OSCP1: variants seen among roughly 807,000 people sequenced by gnomAD.
OSCP1 encodes the protein protein OSCP1.
Under a neutral mutation model 45.1 loss-of-function variants are expected in OSCP1, and 35 were observed. The ratio of observed to expected loss-of-function variants is 0.78; its 90% CI spans 0.59 to 1.03. OSCP1 has a LOEUF of 1.03. OSCP1 is among the 50% of genes least tolerant of loss of function. OSCP1 has a pLI of 0.00. For synonymous variants in OSCP1, 179 were observed against 180.1 expected, an observed-to-expected ratio of 0.99 and a Z score of 0.05; for missense variants, 400 against 470.7, an observed-to-expected ratio of 0.85 and a Z score of 1.39.
At chr1:36,431,584 C>T (rs894072264) in intron 4 of OSCP1, among the ~76,000 whole-genome samples, 2 of 151,184 alleles carry the variant, frequency 1.3e-5, no homozygotes, top group African/African-American at 4.9e-5. Context: ...CCAAGAAACT[C>T]ACAAGGTAAT....
chr1:36,429,535 ATTTT>A (rs200043573), intron 4 of OSCP1, among the ~76,000 whole-genome samples: 34 of 100,316 alleles, frequency 3.4e-4, no homozygotes, highest in South Asian at 2.3e-3. Context: ...GAAGCTTAGA[ATTTT>A]TTTTTTTTTT....
At position 36,418,451 on chromosome 1, in the gene OSCP1, T is replaced by C. The variant is rs1170336688; in HGVS notation, c.1024-196A>G. The C allele has an allele frequency of 9.9e-6, 6 of 605,726 alleles. No homozygotes were observed. In the Admixed American group the frequency reaches 1.4e-4, roughly 14 times the overall value. The allele number at this position is 605,726 out of a possible 1,614,324, so 37.5% of individuals were successfully genotyped here. A position where few individuals can be genotyped will look rare whatever the true frequency, so the allele number is the denominator to read the frequency against. ...TATATATTTTTTTTCTTAATCAACATGTATGTGACCAAGCATCCCTGGCTG... is the reference window on the plus strand; with the variant it reads ...TATATATTTTTTTTCTTAATCAACACGTATGTGACCAAGCATCCCTGGCTG... On this transcript the variant is annotated intron_variant, in intron 9 of 9. Coordinates refer to ENST00000235532, the MANE Select transcript of OSCP1 (RefSeq NM_145047.5).
rs560282513 is a variant in OSCP1 at position 36,427,379 on chromosome 1, C to G, written c.517-3913G>C. 1.3e-3 allele frequency among the ~76,000 whole-genome samples: 189 copies of G among 145,998 alleles called. 1 individual carries two copies. The highest frequency in any genetic ancestry group is 4.6e-3 in the African/African-American group (182 of 39,406). ...TGAACATGATCATAGCTTACTGCAG[C>G]CTTGAAATCCTAGGCTCAAGGAATC... On this transcript the variant is annotated intron_variant, in intron 4 of 9. Transcript: ENST00000235532.
At chr1:36,437,503 A>G (rs1390432885) in intron 2 of OSCP1, among the ~76,000 whole-genome samples, 2 of 151,976 alleles carry the variant, frequency 1.3e-5, no homozygotes, top group African/African-American at 4.8e-5. Flanking sequence ...AGTGCTTTTT[A>G]AAAATTGTTT....
At chr1:36,424,927 C>A (rs1647872214) in intron 4 of OSCP1, among the ~76,000 whole-genome samples, 1 of 152,032 alleles carries the variant, frequency 6.6e-6, no homozygotes, top group Admixed American at 6.6e-5. Flanking sequence ...AATCCTAGCA[C>A]TTTAGGAGGC....
intron 1 of OSCP1, among the ~76,000 whole-genome samples, chr1:36,440,197 A>C (rs1649036699): frequency 6.6e-6 from 1 of 152,260 alleles, no homozygotes; most frequent in South Asian, 2.1e-4. Flanking sequence ...AGCAGAGGCA[A>C]GGTAGAGCAG....
chr1:36,426,289 C>T (rs1004739556), intron 4 of OSCP1, among the ~76,000 whole-genome samples: 1 of 152,152 alleles, frequency 6.6e-6, no homozygotes, highest in African/African-American at 2.4e-5. Context: ...TGAGACTCTG[C>T]CAGTGGCTGG....
In OSCP1 at chr1:36,422,199, A is replaced by C; in HGVS notation, c.770T>G (p.Val257Gly). The C allele has an allele frequency of 6.2e-7, 1 of 1,614,216 alleles. No individual in the cohort carries two copies. The highest frequency in any genetic ancestry group is 8.5e-7 in the Non-Finnish European group (1 of 1,180,032). Residue 257 changes from valine (V) to glycine (G), a missense_variant, in exon 7 of 10, where the codon GTG (valine) becomes GGG (glycine). Transcript: ENST00000235532. ...GTNMYSVNQP[V>G]ETHVSGSSKN... ...TGATGATCCAGACACATGAGTTTCC[A>C]CAGGCTGATTCACGCTGTACCTGGT...
At chr1:36,428,024 C>G (rs1337537647) in intron 4 of OSCP1, among the ~76,000 whole-genome samples, 1 of 151,714 alleles carries the variant, frequency 6.6e-6, no homozygotes, top group Non-Finnish European at 1.5e-5. Flanking sequence ...CCCGTCTCTA[C>G]TAAAAATACA....
intron 2 of OSCP1, among the ~76,000 whole-genome samples, chr1:36,435,079 T>A (rs1288575218): frequency 6.7e-6 from 1 of 150,054 alleles, no homozygotes; most frequent in Admixed American, 6.7e-5. Flanking sequence ...CCTTTTCTTT[T>A]CTTTTCTTTT....
At chr1:36,419,138 A>C (rs948961258) in intron 8 of OSCP1, 84 bp from the exon 9 acceptor site, 3 of 1,270,454 alleles carry the variant, frequency 2.4e-6, no homozygotes, top group Middle Eastern at 3.7e-4. Flanking sequence ...ATCAGTTGGC[A>C]ACCTATTTTT....
In OSCP1 at chr1:36,438,913, GC is replaced by G; in HGVS notation, c.113-4del. 1 of 1,613,360 alleles carries G rather than the reference GC, an allele frequency of 6.2e-7. No homozygotes were observed. Among genetic ancestry groups the G allele is most frequent in the Non-Finnish European group, 8.5e-7 (1 of 1,179,664 alleles). ...GGTGGAGATGATGTCATTCAGAACTGCAGAGACAAGAGAGAACACAGCTGAG... is the reference window on the plus strand; with the variant it reads ...GGTGGAGATGATGTCATTCAGAACTGAGAGACAAGAGAGAACACAGCTGAG... On this transcript the variant is annotated splice_region_variant and splice_polypyrimidine_tract_variant and intron_variant, in intron 1 of 9. Coordinates refer to ENST00000235532, the MANE Select transcript of OSCP1 (RefSeq NM_145047.5).
intron 2 of OSCP1, among the ~76,000 whole-genome samples, chr1:36,433,595 T>A (rs1253741988): frequency 6.6e-6 from 1 of 152,108 alleles, no homozygotes; most frequent in Non-Finnish European, 1.5e-5. Context: ...GACCTCAGGA[T>A]CACGCAATAT....
chr1:36,445,781 C>G (rs1570552393), intron 1 of OSCP1, among the ~76,000 whole-genome samples: 1 of 152,164 alleles, frequency 6.6e-6, no homozygotes, highest in Non-Finnish European at 1.5e-5. Context: ...ATGGTGCGAT[C>G]TCGGCTCACT....
At position 36,420,676 on chromosome 1, in the gene OSCP1, C is replaced by G. The variant is rs1397963534; in HGVS notation, c.820-61G>C. 4.4e-6 allele frequency: 7 copies of G among 1,587,396 alleles called. No homozygotes were observed. The Admixed American group carries it at 7.0e-5, about 16-fold the overall frequency. ...AGGCAATCACATTTCCTGCTAAAACCTCAGAGACACAGGTAGGTATTATAA... is the reference window on the plus strand; with the variant it reads ...AGGCAATCACATTTCCTGCTAAAACGTCAGAGACACAGGTAGGTATTATAA... On this transcript the variant is annotated intron_variant, in intron 7 of 9. Transcript: ENST00000235532.
In OSCP1 at chr1:36,438,868, A is replaced by G. The variant is rs1490772004; in HGVS notation, c.155T>C (p.Met52Thr). 3 of 1,614,216 alleles carry G rather than the reference A, an allele frequency of 1.9e-6. No individual in the cohort carries two copies. Among genetic ancestry groups the G allele is most frequent in the Non-Finnish European group, 2.5e-6 (3 of 1,180,036 alleles). ...IISTMFNRKF[M>T]EELFKPQELY... Reference sequence around the variant, plus strand: ...CTCTTGAGGCTTGAATAATTCCTCCATAAACTTTCTATTGAACATGGTGGA... The same window carrying G: ...CTCTTGAGGCTTGAATAATTCCTCCGTAAACTTTCTATTGAACATGGTGGA... Residue 52 changes from methionine (M) to threonine (T), a missense_variant, in exon 2 of 10, where the codon ATG becomes ACG. Coordinates refer to ENST00000235532, the MANE Select transcript of OSCP1 (RefSeq NM_145047.5).
At chr1:36,444,476 T>C (rs765554473) in intron 1 of OSCP1, among the ~76,000 whole-genome samples, 5 of 152,326 alleles carry the variant, frequency 3.3e-5, no homozygotes, top group East Asian at 1.9e-4. Flanking sequence ...CTTTTCTTTT[T>C]TTTTTATTAA....
intron 3 of OSCP1, 77 bp downstream of exon 3, chr1:36,432,345 A>G (rs994868181): frequency 8.6e-6 from 13 of 1,507,178 alleles, no homozygotes; most frequent in South Asian, 1.2e-5. Flanking sequence ...TCTCTCTGTC[A>G]TAGATCTACC....
intron 2 of OSCP1, among the ~76,000 whole-genome samples, chr1:36,433,738 G>T (rs745541032): frequency 6.6e-6 from 1 of 152,172 alleles, no homozygotes; most frequent in African/African-American, 2.4e-5. Flanking sequence ...GGGGGTTAAA[G>T]TTTTCTGGGC....
Sources: allele counts gnomAD v4.1 joint callset (sites outside exome capture counted in the v4.1 genomes callset), GRCh38; gene constraint gnomAD v4.1.1; transcripts MANE v1.5; gene names NCBI Gene and HGNC (gene_info 2026-07-23, HGNC 2026-07-21).